The following NRG1 variants were observed in gnomAD, a reference collection of about 807,000 sequenced individuals.
NRG1 encodes the protein pro-neuregulin-1, membrane-bound isoform.
In NRG1, 18 loss-of-function variants were observed where a neutral mutation model predicts 63.8. The observed-to-expected ratio is 0.28, with a 90% CI of 0.19 to 0.42. The LOEUF (loss-of-function observed/expected upper bound fraction) is 0.42. NRG1 is among the 10% of genes least tolerant of loss of function. The probability of loss-of-function intolerance (pLI) is 1.00; values close to 1 mark genes in which losing one functional copy is unlikely to be tolerated. For synonymous variants in NRG1, 302 were observed against 301.3 expected (o/e 1.00, Z -0.02); for missense variants, 762 against 814.7 (o/e 0.94, Z 0.79).
intron 1 of NRG1, among the ~76,000 whole-genome samples, chr8:32,369,566 C>T (rs184532825): frequency 6.6e-6 from 1 of 152,286 alleles, no homozygotes; most frequent in African/African-American, 2.4e-5. Flanking sequence ...CTAAGGGCCC[C>T]CAACCAGGGA....
At chr8:32,509,010 C>T (rs1371092024) in intron 1 of NRG1, among the ~76,000 whole-genome samples, 2 of 152,248 alleles carry the variant, frequency 1.3e-5, no homozygotes, top group African/African-American at 4.8e-5. Flanking sequence ...GCTGGGATCA[C>T]AGGTATGAGC....
At chr8:32,613,663 A>G (rs1406063792) in intron 3 of NRG1, among the ~76,000 whole-genome samples, 2 of 152,056 alleles carry the variant, frequency 1.3e-5, no homozygotes, top group Non-Finnish European at 2.9e-5. Context: ...AATGTGAACT[A>G]CCATTAAGTC....
chr8:31,993,247 A>G (rs1048037738), intron 1 of NRG1, among the ~76,000 whole-genome samples: 4 of 152,052 alleles, frequency 2.6e-5, no homozygotes, highest in African/African-American at 9.7e-5. Flanking sequence ...CTCTGGGGCC[A>G]GAACAGCAGA....
chr8:31,849,938 A>G (rs1443095409), intron 1 of NRG1, among the ~76,000 whole-genome samples: 5 of 152,204 alleles, frequency 3.3e-5, no homozygotes, highest in Non-Finnish European at 5.9e-5. Flanking sequence ...TGAGAAAGTA[A>G]TAAAGTGTAA....
At chr8:31,934,359 A>G (rs1308858124) in intron 1 of NRG1, among the ~76,000 whole-genome samples, 1 of 150,272 alleles carries the variant, frequency 6.7e-6, no homozygotes, top group African/African-American at 2.5e-5. Flanking sequence ...GTGTGTGTAT[A>G]TATACATATA....
intron 1 of NRG1, among the ~76,000 whole-genome samples, chr8:32,123,126 A>G (rs1481736): frequency 0.65 from 98,199 of 151,868 alleles, 32,654 homozygotes; most frequent in African/African-American, 0.79. Context: ...GATCAGATTC[A>G]CAGTGATTCC....
intron 7 of NRG1, chr8:32,749,610 A>G (rs1166975315): frequency 6.2e-7 from 1 of 1,611,692 alleles, no homozygotes; most frequent in Non-Finnish European, 8.5e-7. Flanking sequence ...CATTCCTTTT[A>G]GCCTGCAGAA....
At chr8:31,996,020 C>T (rs952672599) in intron 1 of NRG1, among the ~76,000 whole-genome samples, 2 of 151,660 alleles carry the variant, frequency 1.3e-5, no homozygotes, top group Admixed American at 6.6e-5. Flanking sequence ...CCTCCATCTC[C>T]TCTTCTCTTC....
In NRG1 at chr8:32,182,164, C is replaced by T. The variant is rs547084670; in HGVS notation, c.38-413664C>T. On this transcript the variant is annotated intron_variant, in intron 1 of 10. Coordinates refer to the NRG1 transcript ENST00000519301. ...CAGCCTCTGATGAATAATAACATGG[C>T]ATGGGTTCTGATAATAAGCACAGAG... 2.0e-5 allele frequency among the ~76,000 whole-genome samples: 3 copies of T among 152,122 alleles called. No individual in the cohort carries two copies. The South Asian group carries it at 6.2e-4, about 32-fold the overall frequency.
chr8:32,678,551 T>C (rs771092726), intron 5 of NRG1, among the ~76,000 whole-genome samples: 5 of 152,202 alleles, frequency 3.3e-5, no homozygotes, highest in Non-Finnish European at 5.9e-5. Flanking sequence ...GCTAGTATTA[T>C]ATGATGGTCA....
intron 1 of NRG1, among the ~76,000 whole-genome samples, chr8:32,419,161 C>T (rs534242754): frequency 5.2e-4 from 79 of 152,278 alleles, no homozygotes; most frequent in South Asian, 1.0e-3. Context: ...AATATACAAA[C>T]GCTAAATAAT....
At chr8:31,727,389 A>G (rs1813556908) in intron 1 of NRG1, among the ~76,000 whole-genome samples, 1 of 152,176 alleles carries the variant, frequency 6.6e-6, no homozygotes, top group African/African-American at 2.4e-5. Context: ...ATGTTTTTCC[A>G]TCTCCTCTAA....
At chr8:32,360,558 TA>T (rs1343072364) in intron 1 of NRG1, among the ~76,000 whole-genome samples, 3 of 152,228 alleles carry the variant, frequency 2.0e-5, no homozygotes, top group Admixed American at 2.0e-4. Context: ...TTGACAACTT[TA>T]AACATTTTAT....
At chr8:31,958,972 G>GCTA (rs796526136) in intron 1 of NRG1, among the ~76,000 whole-genome samples, 7 of 152,260 alleles carry the variant, frequency 4.6e-5, no homozygotes, top group African/African-American at 1.7e-4. Flanking sequence ...CCTTGCTTCT[G>GCTA]CTACTTAGCT....
intron 5 of NRG1, chr8:32,646,583 G>T: frequency 6.2e-6 from 4 of 646,902 alleles, no homozygotes; most frequent in Non-Finnish European, 7.7e-6. Context: ...TTGTTAGATT[G>T]CTAGCATCGA....
At chr8:32,077,888 C>G (rs1380128967) in intron 1 of NRG1, among the ~76,000 whole-genome samples, 1 of 152,136 alleles carries the variant, frequency 6.6e-6, no homozygotes, top group Non-Finnish European at 1.5e-5. Context: ...CAGCTCCTTC[C>G]TATTGGGGGC....
At chr8:32,759,348 G>A (rs755073162) in exon 10 of NRG1, 2 of 1,613,926 alleles carry the variant, frequency 1.2e-6, no homozygotes, top group Non-Finnish European at 1.7e-6. Context: ...GCATATTGTT[G>A]AGAGAGAAGC....
At chr8:32,079,178 C>CACACACACACAT (rs774021879) in intron 1 of NRG1, among the ~76,000 whole-genome samples, 1 of 151,712 alleles carries the variant, frequency 6.6e-6, no homozygotes, top group Non-Finnish European at 1.5e-5. Flanking sequence ...CACACACACA[C>CACACACACACAT]ACATACACGC....
chr8:31,981,344 T>G (rs1374586963), intron 1 of NRG1, among the ~76,000 whole-genome samples: 1 of 152,056 alleles, frequency 6.6e-6, no homozygotes, highest in Non-Finnish European at 1.5e-5. Flanking sequence ...CCACTTGTAA[T>G]GGCTGGTAGT....
Sources: allele counts gnomAD v4.1 joint callset (sites outside exome capture counted in the v4.1 genomes callset), GRCh38; gene constraint gnomAD v4.1.1; transcripts MANE v1.5; gene names NCBI Gene and HGNC (gene_info 2026-07-23, HGNC 2026-07-21).